PATJ: variants seen among roughly 807,000 people sequenced by gnomAD.
The protein encoded by PATJ is inaD-like protein.
In PATJ, 190 loss-of-function variants were observed where a neutral mutation model predicts 224.9. That is an observed-to-expected ratio of 0.84 (90% CI 0.75 to 0.95). The LOEUF (loss-of-function observed/expected upper bound fraction) is 0.95. PATJ is among the 40% of genes least tolerant of loss of function. The probability of loss-of-function intolerance (pLI) is 0.00; values close to 1 mark genes in which losing one functional copy is unlikely to be tolerated. For synonymous variants in PATJ, 769 were observed against 820.3 expected, an observed-to-expected ratio of 0.94 and a Z score of 1.07; for missense variants, 2,121 against 2,270.3, an observed-to-expected ratio of 0.93 and a Z score of 1.34.
chr1:62,148,439 GGAA>G, intron 42 of PATJ, 49 bp downstream of exon 42: 1 of 1,381,788 alleles, frequency 7.2e-7, no homozygotes, highest in Non-Finnish European at 1.0e-6. Context: ...GGCAAAGCTC[GGAA>G]GAACTTTTCC....
intron 20 of PATJ, among the ~76,000 whole-genome samples, chr1:61,869,260 C>G (rs572921317): frequency 2.0e-5 from 3 of 150,754 alleles, no homozygotes; most frequent in Non-Finnish European, 4.4e-5. Flanking sequence ...GCGCCCGCCA[C>G]TACGCCCGGC....
intron 29 of PATJ, among the ~76,000 whole-genome samples, chr1:62,024,224 G>A (rs907632320): frequency 1.3e-5 from 2 of 152,192 alleles, no homozygotes; most frequent in Admixed American, 6.5e-5. Flanking sequence ...GAATGAGTTA[G>A]AGAGGTGCCC....
chr1:62,084,702 T>G, intron 33 of PATJ, 54 bp downstream of exon 33: 1 of 1,587,562 alleles, frequency 6.3e-7, no homozygotes, highest in Non-Finnish European at 8.6e-7. Flanking sequence ...TTGTTGAGGT[T>G]AATTTTGGCC....
At position 61,990,380 on chromosome 1, in the gene PATJ, T is replaced by G. The variant is rs1644994107; in HGVS notation, c.3867+16T>G. The stretch of plus-strand genomic sequence containing the variant: ...ACTCTTAGAGGTGAGAAGCATGTGT[T>G]TTTAACTTATCTTTTGGTGAAGTGG... On this transcript the variant is annotated intron_variant, in intron 28 of 43. Transcript: ENST00000642238. 1 of 1,585,764 alleles carries G rather than the reference T, an allele frequency of 6.3e-7. No homozygotes were observed. Among genetic ancestry groups the G allele is most frequent in the East Asian group, 2.3e-5 (1 of 44,136 alleles).
chr1:61,971,527 G>C (rs764248998), intron 27 of PATJ, among the ~76,000 whole-genome samples: 2 of 151,974 alleles, frequency 1.3e-5, no homozygotes, highest in Non-Finnish European at 2.9e-5. Flanking sequence ...GGTAAGAAGA[G>C]CACTTGAGCC....
intron 33 of PATJ, among the ~76,000 whole-genome samples, chr1:62,106,074 A>G (rs1333217010): frequency 6.8e-5 from 2 of 29,502 alleles, no homozygotes; most frequent in Non-Finnish European, 1.4e-4. Flanking sequence ...ATATATATAT[A>G]TATATACACA....
chr1:62,053,805 A>C (rs1047321867), intron 31 of PATJ, among the ~76,000 whole-genome samples: 5 of 152,188 alleles, frequency 3.3e-5, no homozygotes, highest in Admixed American at 3.3e-4. Context: ...TTAGGATGCT[A>C]TTAGGAAACA....
At chr1:62,133,315 C>T (rs1666456424) in intron 41 of PATJ, among the ~76,000 whole-genome samples, 1 of 152,092 alleles carries the variant, frequency 6.6e-6, no homozygotes, top group African/African-American at 2.4e-5. Context: ...GGCGTGGTGG[C>T]TCATACCTGT....
At chr1:62,135,533 A>G (rs943984473) in intron 41 of PATJ, among the ~76,000 whole-genome samples, 14 of 151,066 alleles carry the variant, frequency 9.3e-5, no homozygotes, top group Non-Finnish European at 1.9e-4. Context: ...AAAAAAAAAA[A>G]AAAAAGCCAA....
chr1:61,935,075 C>T (rs868229657), intron 27 of PATJ, among the ~76,000 whole-genome samples: 18 of 151,932 alleles, frequency 1.2e-4, no homozygotes, highest in South Asian at 2.1e-4. Context: ...CCAGGTCTTT[C>T]TAACCTGCAA....
chr1:62,154,246 T>A (rs1225146377), intron 43 of PATJ, among the ~76,000 whole-genome samples: 3 of 152,186 alleles, frequency 2.0e-5, no homozygotes, highest in Non-Finnish European at 4.4e-5. Context: ...ATTTAATTTT[T>A]TATAAATTTT....
intron 22 of PATJ, among the ~76,000 whole-genome samples, chr1:61,887,735 C>T (rs1337623014): frequency 3.9e-5 from 6 of 151,984 alleles, no homozygotes; most frequent in South Asian, 2.1e-4. Context: ...TCTTGGGGTG[C>T]GGCGTGACAA....
At chr1:61,771,749 C>T (rs1241445898) in intron 6 of PATJ, 123 bp downstream of exon 6, 30 of 716,554 alleles carry the variant, frequency 4.2e-5, no homozygotes, top group East Asian at 1.3e-4. Flanking sequence ...GATGGAGTTT[C>T]GCTCTTGTTG....
At chr1:62,017,985 C>A in intron 29 of PATJ, 38 bp downstream of exon 29, 1 of 1,099,732 alleles carries the variant, frequency 9.1e-7, no homozygotes, top group Non-Finnish European at 1.4e-6. Context: ...AATCAAAGAC[C>A]TCTTCTGAAG....
intron 1 of PATJ, among the ~76,000 whole-genome samples, chr1:61,743,577 T>C (rs1644871390): frequency 6.6e-6 from 1 of 152,218 alleles, no homozygotes; most frequent in African/African-American, 2.4e-5. Flanking sequence ...CTGAGGATGA[T>C]ACTACCACAT....
intron 1 of PATJ, among the ~76,000 whole-genome samples, chr1:61,761,696 T>C (rs74848326): frequency 0.19 from 28,386 of 150,992 alleles, 2,953 homozygotes; most frequent in Non-Finnish European, 0.24. Context: ...TTTTTTTTTT[T>C]AATTTTTGAG....
chr1:61,899,005 A>T (rs995369462), intron 22 of PATJ, among the ~76,000 whole-genome samples: 1 of 152,052 alleles, frequency 6.6e-6, no homozygotes. Flanking sequence ...GTAGTACTAT[A>T]CTAACTTAAC....
chr1:61,802,356 G>C (rs1652711437), intron 12 of PATJ, among the ~76,000 whole-genome samples: 1 of 152,232 alleles, frequency 6.6e-6, no homozygotes, highest in Non-Finnish European at 1.5e-5. Flanking sequence ...GCCTCCCAAA[G>C]TGTTGGGATT....
At chr1:62,034,140 A>G (rs1649876545) in intron 29 of PATJ, among the ~76,000 whole-genome samples, 1 of 152,180 alleles carries the variant, frequency 6.6e-6, no homozygotes, top group African/African-American at 2.4e-5. Context: ...ACTTAGGCTA[A>G]TTATATGGAA....
Sources: allele counts gnomAD v4.1 joint callset (sites outside exome capture counted in the v4.1 genomes callset), GRCh38; gene constraint gnomAD v4.1.1; transcripts MANE v1.5; gene names NCBI Gene and HGNC (gene_info 2026-07-23, HGNC 2026-07-21).